Variants in ADGRL1 observed in about 807,000 individuals in gnomAD.
ADGRL1 encodes CIRL-1.
Under a neutral mutation model 148.9 loss-of-function variants are expected in ADGRL1, and 31 were observed. The ratio of observed to expected loss-of-function variants is 0.21; its 90% CI spans 0.16 to 0.28. The LOEUF (loss-of-function observed/expected upper bound fraction) is 0.28, where lower values mean the gene tolerates loss of function less well. Among genes scored for constraint, ADGRL1 ranks in the 10% least tolerant of loss-of-function variants. The pLI, the probability that ADGRL1 is intolerant of heterozygous loss-of-function variation, is 1.00. For missense variants in ADGRL1, 1,521 were observed against 2,058.8 expected (o/e 0.74, Z 5.05); for synonymous variants, 937 against 900.3 (o/e 1.04, Z -0.73).
At chr19:14,164,916 T>C (rs979207615) in intron 4 of ADGRL1, among the ~76,000 whole-genome samples, 8 of 152,042 alleles carry the variant, frequency 5.3e-5, no homozygotes, top group Admixed American at 1.3e-4. Context: ...AACCCACACA[T>C]AGGCCAGGGC....
In ADGRL1 at chr19:14,163,046, G is replaced by A. The variant is rs755909197; in HGVS notation, c.755C>T (p.Thr252Ile). 11 of 1,614,138 alleles carry A rather than the reference G, an allele frequency of 6.8e-6. No individual in the cohort carries two copies. The highest frequency in any genetic ancestry group is 1.3e-5 in the African/African-American group (1 of 75,074). The change falls in exon 5 of 23, where the codon ACC becomes ATC. Residue 252 changes from threonine to isoleucine, a missense_variant. This residue lies in a region of ADGRL1 where 334 missense variants were observed against 512.5 expected (regional missense o/e 0.65). Transcript: ENST00000361434. Reference sequence around the variant, plus strand: ...CTTTCCGCCCCAGCGGTAGGGCGAGGTGTCATGGTAGTTGGCGGTATTGAT... The same window carrying A: ...CTTTCCGCCCCAGCGGTAGGGCGAGATGTCATGGTAGTTGGCGGTATTGAT... ...TVINTANYHD[T>I]SPYRWGGKTD...
rs367982230 is a variant in ADGRL1 at position 14,161,493 on chromosome 19, G to A, written c.1329C>T (p.Asn443=). 79 of 1,440,048 alleles carry A rather than the reference G, an allele frequency of 5.5e-5. 1 individual carries two copies. The highest frequency in any genetic ancestry group is 8.9e-5 in the Admixed American group (3 of 33,794). 89.2% of individuals were successfully genotyped at this position (1,440,048 alleles called of 1,614,324 possible). ...CTGGAGGCAGATCAGGTCCCAGCTG[G>A]TTGATGGCACCCACTGGGTGCGTGG... is the stretch of plus-strand genomic sequence containing the variant. ...PLTTHPVGAI[N]QLGPDLPPAT... is the part of the protein sequence containing the mutation. Residue 443 remains asparagine (N), a synonymous_variant, in exon 6 of 23, where the codon AAC becomes AAT. Coordinates refer to ENST00000361434, the MANE Select transcript of ADGRL1 (RefSeq NM_014921.5). This position sits in a 1 kb window ranked among gnomAD's most constrained non-coding sequence, Gnocchi z 4.4.
At chr19:14,173,443 AG>A (rs145284745) in intron 3 of ADGRL1, among the ~76,000 whole-genome samples, 14,849 of 152,140 alleles carry the variant, frequency 0.098, 908 homozygotes, top group Admixed American at 0.17. Context: ...GCTGTATAGG[AG>A]AAAACATGGT....
rs71170599 is a variant in ADGRL1 at position 14,163,465 on chromosome 19, G to GGAGAGAGAGAGAGAGAGAGAGA, written c.395-81_395-60dup. Reference sequence around the variant, plus strand: ...AGAGAAGGGGCAGAGGCGAGAGGGAGGAGAGAGAGAGAGAGAGAGAGAGAG... The same window carrying GGAGAGAGAGAGAGAGAGAGAGA: ...AGAGAAGGGGCAGAGGCGAGAGGGAGGAGAGAGAGAGAGAGAGAGAGAGAGAGAGAGAGAGAGAGAGAGAGAG... On this transcript the variant is annotated intron_variant, in intron 4 of 22. Transcript: ENST00000361434. The GGAGAGAGAGAGAGAGAGAGAGA allele has an allele frequency of 5.4e-5, 38 of 702,314 alleles. No individual in the cohort carries two copies. In the African/African-American group the frequency reaches 6.5e-4, roughly 12 times the overall value. 43.5% of individuals were successfully genotyped at this position (702,314 alleles called of 1,614,324 possible).
At chr19:14,185,248 TG>T (rs1971509965) in intron 1 of ADGRL1, among the ~76,000 whole-genome samples, 2 of 152,218 alleles carry the variant, frequency 1.3e-5, no homozygotes, top group Non-Finnish European at 2.9e-5. Context: ...CCCAGCACAC[TG>T]GCATCAGCCT....
chr19:14,187,448 A>G (rs937466463), intron 1 of ADGRL1, among the ~76,000 whole-genome samples: 8 of 152,080 alleles, frequency 5.3e-5, no homozygotes, highest in African/African-American at 1.7e-4. Context: ...TGGGAAGATA[A>G]TATCTGCAAG....
Position 14,178,729 on chromosome 19 carries a change from C to G in ADGRL1, c.71-985G>C, listed in dbSNP as rs1285739492. Among the ~76,000 whole-genome samples, 3 of 152,100 alleles carry G rather than the reference C, an allele frequency of 2.0e-5. No individual in the cohort carries two copies. The East Asian group carries it at 5.8e-4, about 29-fold the overall frequency. The stretch of plus-strand genomic sequence containing the variant: ...AAATGGGTCCCTTTTCTATGTTGCC[C>G]AAGCTAGTCTGGTCTCAAGCAATCC... On this transcript the variant is annotated intron_variant, in intron 2 of 22. Transcript: ENST00000361434.
chr19:14,200,703 C>A (rs1972544757), intron 1 of ADGRL1, among the ~76,000 whole-genome samples: 1 of 152,198 alleles, frequency 6.6e-6, no homozygotes, highest in African/African-American at 2.4e-5. Context: ...GCCTTGACCT[C>A]CCAGCTCAAG....
At chr19:14,151,674 AGTGAG>A in intron 22 of ADGRL1, 59 bp from the exon 23 acceptor site, 1 of 1,479,752 alleles carries the variant, frequency 6.8e-7, no homozygotes. Flanking sequence ...ACTAGGGGAC[AGTGAG>A]GGGGTGCGGT....
chr19:14,156,912 G>A lies in ADGRL1; in HGVS notation c.2966+13C>T, dbSNP rs750466728. 4.4e-6 allele frequency: 7 copies of A among 1,607,300 alleles called. No individual in the cohort carries two copies. In the South Asian group the frequency reaches 5.5e-5, roughly 13 times the overall value. On this transcript the variant is annotated intron_variant, in intron 15 of 22. Transcript: ENST00000361434. ...CAGGTGGGAGGGTGCAGGGCTGGGAGGTGGAAACTCACGCCTTCTCGGTGC... is the reference window on the plus strand; with the variant it reads ...CAGGTGGGAGGGTGCAGGGCTGGGAAGTGGAAACTCACGCCTTCTCGGTGC...
rs1471740999 is a variant in ADGRL1 at position 14,159,340 on chromosome 19, G to C, written c.2023+61C>G. 20 of 1,573,930 alleles carry C rather than the reference G, an allele frequency of 1.3e-5. No individual in the cohort carries two copies. Among genetic ancestry groups the C allele is most frequent in the Non-Finnish European group, 1.7e-5 (20 of 1,156,226 alleles). ...CGGATAGCCCCCCTGTGGCCTCCAG[G>C]CCAGAACCCCGTGGTTTAAGGTTCG... On this transcript the variant is annotated intron_variant, in intron 10 of 22. Coordinates refer to ENST00000361434, the MANE Select transcript of ADGRL1 (RefSeq NM_014921.5). This position sits in a 1 kb window ranked among gnomAD's most constrained non-coding sequence, Gnocchi z 6.0.
chr19:14,194,777 C>T (rs1404556646), intron 1 of ADGRL1, among the ~76,000 whole-genome samples: 1 of 152,088 alleles, frequency 6.6e-6, no homozygotes, highest in Non-Finnish European at 1.5e-5. Context: ...CGTTCTACAC[C>T]TGGGAAGCCA....
chr19:14,179,428 G>A (rs553023484), intron 2 of ADGRL1, among the ~76,000 whole-genome samples: 21 of 150,762 alleles, frequency 1.4e-4, no homozygotes, highest in Admixed American at 3.3e-4. Flanking sequence ...CAGGAGGCAG[G>A]GCTTGCAGTG....
rs1358849630 is a variant in ADGRL1, at chr19:14,149,044, A to T, written c.*1829T>A. On this transcript the variant is annotated 3_prime_UTR_variant, in exon 23 of 23. Coordinates refer to ENST00000361434, the MANE Select transcript of ADGRL1 (RefSeq NM_014921.5). ...GGGCAGAGAGATGGGGAGAGGTCAG[A>T]GCAGAGGTGGAGGGGCCACCTCTGG... 1.3e-5 allele frequency: 2 copies of T among 152,670 alleles called. No homozygotes were observed. Among genetic ancestry groups the T allele is most frequent in the Non-Finnish European group, 2.9e-5 (2 of 68,156 alleles). 9.5% of individuals were successfully genotyped at this position (152,670 alleles called of 1,614,324 possible).
rs924399692 is a variant in ADGRL1, at chr19:14,162,223, G to T, written c.1195+383C>A. On this transcript the variant is annotated intron_variant, in intron 5 of 22. Coordinates refer to ENST00000361434, the MANE Select transcript of ADGRL1 (RefSeq NM_014921.5). The surrounding 1 kb of genome is among the most constrained non-coding windows in gnomAD (Gnocchi z 5.4). Reference sequence around the variant, plus strand: ...AGCATCAGCAGCTCAGCTCTTTTGTGGATACTGGACTTCCACCCAGGATTT... The same window carrying T: ...AGCATCAGCAGCTCAGCTCTTTTGTTGATACTGGACTTCCACCCAGGATTT... 2.6e-5 allele frequency among the ~76,000 whole-genome samples: 4 copies of T among 152,158 alleles called. No homozygotes were observed. The highest frequency in any genetic ancestry group is 5.9e-5 in the Non-Finnish European group (4 of 68,022).
In ADGRL1 at chr19:14,157,006, T is replaced by TA; in HGVS notation, c.2884dup (p.Tyr962LeufsTer19). 1 of 1,613,758 alleles carries TA rather than the reference T, an allele frequency of 6.2e-7. No homozygotes were observed. Among genetic ancestry groups the TA allele is most frequent in the Non-Finnish European group, 8.5e-7 (1 of 1,179,934 alleles). On this transcript the variant is annotated frameshift_variant, in exon 15 of 23. Coordinates refer to ENST00000361434, the MANE Select transcript of ADGRL1 (RefSeq NM_014921.5). LOFTEE classifies it high-confidence loss of function. The surrounding 1 kb of genome is among the most constrained non-coding windows in gnomAD (Gnocchi z 7.5). ...GGCCGGGAAGCAGTAGCCACCCAGGTAGTAGTACTTGGTGCGGGAATACTC... is the reference window on the plus strand; with the variant it reads ...GGCCGGGAAGCAGTAGCCACCCAGGTAAGTAGTACTTGGTGCGGGAATACTC...
Position 14,151,144 on chromosome 19 carries a change from T to C in ADGRL1, c.4139A>G (p.Tyr1380Cys), listed in dbSNP as rs758099966. 2.3e-5 allele frequency: 37 copies of C among 1,600,328 alleles called. No individual in the cohort carries two copies. The highest frequency in any genetic ancestry group is 3.4e-5 in the Admixed American group (2 of 58,778). Residue 1380 changes from tyrosine (Y) to cysteine (C), a missense_variant, in exon 23 of 23, where the codon TAT becomes TGT. Coordinates refer to ENST00000361434, the MANE Select transcript of ADGRL1 (RefSeq NM_014921.5). ...LSSPPGRDSL[Y>C]ASGANLRDSP... ...GTCCCGCAGGTTGGCCCCGCTGGCATAGAGGGAGTCCCGGCCAGGAGGGGA... is the reference window on the plus strand; with the variant it reads ...GTCCCGCAGGTTGGCCCCGCTGGCACAGAGGGAGTCCCGGCCAGGAGGGGA...
rs3981188 is a variant in ADGRL1, at chr19:14,200,616, C to T, written c.-96+5369G>A. Among the ~76,000 whole-genome samples, 14 of 152,218 alleles carry T rather than the reference C, an allele frequency of 9.2e-5. No homozygotes were observed. In the South Asian group the frequency reaches 2.3e-3, roughly 25 times the overall value. On this transcript the variant is annotated intron_variant, in intron 1 of 22. Coordinates refer to ENST00000361434, the MANE Select transcript of ADGRL1 (RefSeq NM_014921.5). ...GCCAACCTCTACTCTATTTTATTTA[C>T]GTATATATTTTTTTGAGACAGGGTC...
intron 1 of ADGRL1, 124 bp from the exon 2 acceptor site, chr19:14,183,821 T>C (rs1242636443): frequency 3.6e-6 from 2 of 552,182 alleles, no homozygotes; most frequent in Non-Finnish European, 6.4e-6. Flanking sequence ...CAGCCCTATC[T>C]GTAGGGCCCC....
Sources: allele counts gnomAD v4.1 joint callset (sites outside exome capture counted in the v4.1 genomes callset), GRCh38; gene constraint gnomAD v4.1.1; regional missense constraint gnomAD v4.1.1; non-coding constraint Gnocchi (gnomAD v3.1); transcripts MANE v1.5; gene names NCBI Gene and HGNC (gene_info 2026-07-23, HGNC 2026-07-21).